DZIP1L: variants seen among roughly 807,000 people sequenced by gnomAD.
DZIP1L encodes cilium assembly protein DZIP1L.
DZIP1L carries 90 observed loss-of-function variants against 88.7 expected under a neutral mutation model. The observed-to-expected ratio is 1.02, with a 90% confidence interval of 0.86 to 1.21. DZIP1L has a LOEUF of 1.21. Ranked by LOEUF, DZIP1L falls within the 50% of genes most tolerant of loss-of-function variation. The pLI is 0.00. For missense variants in DZIP1L, 932 were observed against 955.8 expected, an observed-to-expected ratio of 0.98 and a Z score of 0.33; for synonymous variants, 363 against 372.1, an observed-to-expected ratio of 0.98 and a Z score of 0.28.
At chr3:138,085,607 A>G (rs1943892855) in intron 7 of DZIP1L, among the ~76,000 whole-genome samples, 1 of 152,220 alleles carries the variant, frequency 6.6e-6, no homozygotes, top group Non-Finnish European at 1.5e-5. Flanking sequence ...TCAGGAAACA[A>G]CAGGTGCTGG....
intron 11 of DZIP1L, among the ~76,000 whole-genome samples, chr3:138,074,630 C>T (rs1472370149): frequency 1.3e-5 from 2 of 151,378 alleles, no homozygotes; most frequent in African/African-American, 4.9e-5. Flanking sequence ...GCACAACATG[C>T]AGGTTTGTTA....
chr3:138,064,997 A>G (rs1036482510), intron 14 of DZIP1L, among the ~76,000 whole-genome samples: 2 of 152,238 alleles, frequency 1.3e-5, no homozygotes, highest in Non-Finnish European at 2.9e-5. Context: ...ACTTAATGAC[A>G]TGGCTAGTGA....
At chr3:138,065,264 A>G (rs544626217) in intron 14 of DZIP1L, among the ~76,000 whole-genome samples, 194 of 152,358 alleles carry the variant, frequency 1.3e-3, no homozygotes, top group African/African-American at 4.6e-3. Flanking sequence ...ACACCAAGGT[A>G]ATGTATGAAC....
chr3:138,083,284 T>C (rs1943754469), intron 8 of DZIP1L, among the ~76,000 whole-genome samples: 1 of 152,140 alleles, frequency 6.6e-6, no homozygotes, highest in Admixed American at 6.5e-5. Flanking sequence ...TTATGTCACC[T>C]GGGTGAAATG....
At chr3:138,085,026 G>C (rs1352140603) in intron 7 of DZIP1L, among the ~76,000 whole-genome samples, 1 of 152,154 alleles carries the variant, frequency 6.6e-6, no homozygotes, top group Non-Finnish European at 1.5e-5. Flanking sequence ...TGCTGTTTTG[G>C]TTACTGTAGC....
chr3:138,092,244 A>G (rs1944270949), intron 5 of DZIP1L, 139 bp downstream of exon 5: 1 of 944,856 alleles, frequency 1.1e-6, no homozygotes, highest in Middle Eastern at 3.5e-4. Context: ...TGGGCCTCTA[A>G]TATCAGGCCT....
intron 14 of DZIP1L, 47 bp from the exon 15 acceptor site, chr3:138,064,814 T>C: frequency 2.0e-6 from 3 of 1,534,376 alleles, no homozygotes; most frequent in Non-Finnish European, 2.6e-6. Flanking sequence ...GCCTAGAAAA[T>C]GAACATCTCA....
At position 138,072,494 on chromosome 3, in the gene DZIP1L, AT is replaced by A. The variant is rs149722455; in HGVS notation, c.1423-660del. ...CTTCCTAAAATAACCCTAGTTGTCT[AT>A]TTTTTTTTTCTAACTTACTCTACAC... On this transcript the variant is annotated intron_variant, in intron 11 of 15. Transcript: ENST00000327532. Among the ~76,000 whole-genome samples the A allele has an allele frequency of 2.3e-4, 35 of 150,302 alleles. No homozygotes were observed. The East Asian group carries it at 3.9e-3, about 17-fold the overall frequency.
Position 138,062,867 on chromosome 3 carries a change from C to G in DZIP1L, c.2253G>C (p.Lys751Asn). 2 of 1,614,212 alleles carry G rather than the reference C, an allele frequency of 1.2e-6. No homozygotes were observed. Among genetic ancestry groups the G allele is most frequent in the Non-Finnish European group, 8.5e-7 (1 of 1,180,050 alleles). Reference sequence around the variant, plus strand: ...CAGAGCTCTGTGGACCAGTGCCAAACTTCTCTGGGAGCTTTGAGCGAGACA... The same window carrying G: ...CAGAGCTCTGTGGACCAGTGCCAAAGTTCTCTGGGAGCTTTGAGCGAGACA... ...KPLSRSKLPE[K>N]FGTGPQSSGQ... Residue 751 changes from lysine to asparagine, a missense_variant, in exon 16 of 16, where the codon AAG (lysine) becomes AAC (asparagine). Lys to Asn is a moderately conservative substitution (Grantham distance 94). Transcript: ENST00000327532.
In DZIP1L at chr3:138,062,836, GTTGGCC is replaced by G; in HGVS notation, c.2278_2283del (p.Gly760_Gln761del). On this transcript the variant is annotated inframe_deletion, in exon 16 of 16. Transcript: ENST00000327532. ...GTGAATCACCAGGCAGGGACCCTGG[GTTGGCC>G]AGAGCTCTGTGGACCAGTGCCAAAC... 1 of 1,614,080 alleles carries G rather than the reference GTTGGCC, an allele frequency of 6.2e-7. No individual in the cohort carries two copies. Among genetic ancestry groups the G allele is most frequent in the Non-Finnish European group, 8.5e-7 (1 of 1,180,040 alleles).
chr3:138,103,179 C>A (rs2042375314), intron 2 of DZIP1L, among the ~76,000 whole-genome samples: 1 of 151,574 alleles, frequency 6.6e-6, no homozygotes, highest in African/African-American at 2.4e-5. Context: ...CACACACTCG[C>A]CATACATTCA....
intron 14 of DZIP1L, 22 bp from the exon 15 acceptor site, chr3:138,064,789 G>A (rs761683473): frequency 2.5e-5 from 38 of 1,546,656 alleles, no homozygotes; most frequent in Non-Finnish European, 3.2e-5. Context: ...AAAAGTGGCT[G>A]TGTCAGTGGG....
intron 5 of DZIP1L, chr3:138,088,731 G>A: frequency 8.2e-7 from 1 of 1,215,522 alleles, no homozygotes; most frequent in Non-Finnish European, 1.0e-6. Context: ...TTCCATGGAA[G>A]AACAAATTAA....
At chr3:138,080,736 T>C in intron 9 of DZIP1L, 116 bp from the exon 10 acceptor site, 1 of 1,006,244 alleles carries the variant, frequency 9.9e-7, no homozygotes. Flanking sequence ...CTCCAGTCAG[T>C]GCATCTTGAC....
rs1943192598 is a variant in DZIP1L, at chr3:138,071,790, G to C, written c.1468C>G (p.Leu490Val). The C allele has an allele frequency of 6.2e-7, 1 of 1,614,156 alleles. No homozygotes were observed. The highest frequency in any genetic ancestry group is 1.1e-5 in the South Asian group (1 of 91,082). ...SIQTLRHLES[L>V]LRVQREQKAR... ...TTCTGCTCCCGCTGGACTCTCAGCA[G>C]GGATTCCAGGTGTCTGAGAGTCTGA... Residue 490 changes from leucine to valine, a missense_variant, in exon 12 of 16, where the codon CTG (leucine) becomes GTG (valine). Coordinates refer to ENST00000327532, the MANE Select transcript of DZIP1L (RefSeq NM_173543.3).
chr3:138,090,790 G>A (rs944451547), intron 5 of DZIP1L, among the ~76,000 whole-genome samples: 1 of 152,046 alleles, frequency 6.6e-6, no homozygotes, highest in African/African-American at 2.4e-5. Flanking sequence ...CTTGATCTAG[G>A]AGGACCAATG....
In DZIP1L at chr3:138,103,820, T is replaced by A; in HGVS notation, c.152A>T (p.Asp51Val). Residue 51 changes from aspartate (D) to valine (V), a missense_variant, in exon 2 of 16, where the codon GAT becomes GTT. By Grantham distance (152) the Asp-to-Val change is radical. Transcript: ENST00000327532. Reference protein sequence around the residue: ...LDVDRVARELDVATLQENIAG... With the variant: ...LDVDRVARELVVATLQENIAG... Reference sequence around the variant, plus strand: ...AATATTCTCCTGCAGAGTGGCCACATCCAGTTCCCGGGCCACGCGGTCTAC... The same window carrying A: ...AATATTCTCCTGCAGAGTGGCCACAACCAGTTCCCGGGCCACGCGGTCTAC... 6.2e-7 allele frequency: 1 copy of A among 1,614,178 alleles called. No individual in the cohort carries two copies. Among genetic ancestry groups the A allele is most frequent in the Middle Eastern group, 1.6e-4 (1 of 6,062 alleles).
rs1457904025 is a variant in DZIP1L, at chr3:138,115,328, C to T, written c.-82G>A. Reference sequence around the variant, plus strand: ...TAGTTTTCCCGCGCGGCCCGCTCACCGTGGGGTCTCCTGGAGCCGGGGACG... The same window carrying T: ...TAGTTTTCCCGCGCGGCCCGCTCACTGTGGGGTCTCCTGGAGCCGGGGACG... On this transcript the variant is annotated splice_region_variant and 5_prime_UTR_variant, in exon 1 of 16. Coordinates refer to ENST00000327532, the MANE Select transcript of DZIP1L (RefSeq NM_173543.3). The T allele has an allele frequency of 6.6e-6, 1 of 152,198 alleles. No individual in the cohort carries two copies. Among genetic ancestry groups the T allele is most frequent in the Non-Finnish European group, 1.5e-5 (1 of 68,036 alleles). The allele number at this position is 152,198 out of a possible 1,614,324, so 9.4% of individuals were successfully genotyped here.
chr3:138,114,928 T>A (rs1559871139), intron 1 of DZIP1L, among the ~76,000 whole-genome samples: 1 of 152,178 alleles, frequency 6.6e-6, no homozygotes, highest in South Asian at 2.1e-4. Flanking sequence ...ACTAAAAGAA[T>A]CCTCCTTTAC....
Sources: allele counts gnomAD v4.1 joint callset (sites outside exome capture counted in the v4.1 genomes callset), GRCh38; gene constraint gnomAD v4.1.1; transcripts MANE v1.5; gene names NCBI Gene and HGNC (gene_info 2026-07-23, HGNC 2026-07-21).